Variants in CSMD1 observed in about 807,000 individuals in gnomAD.
The protein encoded by CSMD1 is CUB and Sushi multiple domains 1.
In CSMD1, 213 loss-of-function variants were observed where a neutral mutation model predicts 417.5. The observed-to-expected ratio is 0.51, with a 90% CI of 0.46 to 0.57. CSMD1 has a LOEUF of 0.57. Ranked by LOEUF, CSMD1 falls within the 20% of genes least tolerant of loss-of-function variation. The pLI is 0.00. For missense variants in CSMD1, 6,923 were observed against 4,529.7 expected (o/e 1.53, Z -15.17); for synonymous variants, 2,862 against 1,736.8 (o/e 1.65, Z -16.11).
intron 2 of CSMD1, among the ~76,000 whole-genome samples, chr8:4,496,360 C>T (rs1313267527): frequency 6.6e-6 from 1 of 152,118 alleles, no homozygotes; most frequent in African/African-American, 2.4e-5. Flanking sequence ...TGATCAGCAG[C>T]GCAGGAGTCC....
intron 17 of CSMD1, among the ~76,000 whole-genome samples, chr8:3,390,120 C>T (rs1053894041): frequency 1.1e-4 from 17 of 151,942 alleles, no homozygotes; most frequent in Middle Eastern, 3.4e-3. Context: ...TTTGGGAGGC[C>T]GAGGTGGGTG....
At chr8:4,552,519 G>A (rs191244200) in intron 2 of CSMD1, among the ~76,000 whole-genome samples, 18 of 152,202 alleles carry the variant, frequency 1.2e-4, no homozygotes, top group Admixed American at 1.1e-3. Flanking sequence ...GAACTCTGGA[G>A]AAGATTAATG....
At chr8:3,771,468 C>A (rs981385369) in intron 5 of CSMD1, among the ~76,000 whole-genome samples, 1 of 152,142 alleles carries the variant, frequency 6.6e-6, no homozygotes, top group East Asian at 1.9e-4. Flanking sequence ...GGGGGGCAAG[C>A]AGGGCCAGGC....
chr8:4,051,826 C>G (rs1468425993), intron 3 of CSMD1, among the ~76,000 whole-genome samples: 1 of 150,454 alleles, frequency 6.6e-6, no homozygotes, highest in East Asian at 2.0e-4. Context: ...TCTTCTCTTT[C>G]TTCTCTTTCT....
intron 56 of CSMD1, 31 bp downstream of exon 56, chr8:2,974,420 A>C (rs747347374): frequency 6.7e-7 from 1 of 1,490,064 alleles, no homozygotes; most frequent in Non-Finnish European, 9.0e-7. Flanking sequence ...TGAAATCTGT[A>C]ATTCTGTCAG....
intron 7 of CSMD1, among the ~76,000 whole-genome samples, chr8:3,617,070 C>G (rs79506441): frequency 6.6e-6 from 1 of 151,986 alleles, no homozygotes; most frequent in Non-Finnish European, 1.5e-5. Context: ...CTCATTTGGT[C>G]CTTATGATTA....
At chr8:4,669,871 T>G (rs772907225) in intron 1 of CSMD1, among the ~76,000 whole-genome samples, 2 of 152,144 alleles carry the variant, frequency 1.3e-5, no homozygotes, top group Non-Finnish European at 2.9e-5. Context: ...TCCTCAGGTT[T>G]CTGGGCTTCT....
intron 50 of CSMD1, among the ~76,000 whole-genome samples, chr8:3,037,398 T>C (rs34749955): frequency 0.23 from 32,952 of 143,970 alleles, 4,407 homozygotes; most frequent in Non-Finnish European, 0.28. Flanking sequence ...TTAGTAGAGA[T>C]GGGGTTTCAC....
chr8:3,383,704 C>G lies in CSMD1; in HGVS notation c.2782+3790G>C, dbSNP rs10111858. Among the ~76,000 whole-genome samples the G allele has an allele frequency of 9.2e-3, 1,385 of 150,356 alleles. 20 individuals carry two copies. The highest frequency in any genetic ancestry group is 0.032 in the African/African-American group (1,316 of 41,052). On this transcript the variant is annotated intron_variant, in intron 18 of 69. Transcript: ENST00000635120. Reference sequence around the variant, plus strand: ...CTGTATCTAAATATTTACACAACACCTATAATTCAGTAAGATAAACGCATG... The same window carrying G: ...CTGTATCTAAATATTTACACAACACGTATAATTCAGTAAGATAAACGCATG...
chr8:3,820,119 G>A (rs1001702319), intron 5 of CSMD1, among the ~76,000 whole-genome samples: 1 of 152,170 alleles, frequency 6.6e-6, no homozygotes, highest in Admixed American at 6.5e-5. Flanking sequence ...CTGCTTGAAT[G>A]CAGTATGATC....
intron 3 of CSMD1, among the ~76,000 whole-genome samples, chr8:4,378,759 G>T (rs957851281): frequency 2.0e-5 from 3 of 152,254 alleles, no homozygotes; most frequent in Admixed American, 1.3e-4. Context: ...GGTTATGAGA[G>T]CTCTGCTCTC....
intron 6 of CSMD1, among the ~76,000 whole-genome samples, chr8:3,742,574 C>T (rs981728294): frequency 2.0e-5 from 3 of 152,070 alleles, no homozygotes; most frequent in African/African-American, 7.2e-5. Flanking sequence ...TGACGCATTG[C>T]CTCTGCCCCG....
intron 3 of CSMD1, among the ~76,000 whole-genome samples, chr8:4,047,644 G>T (rs778503649): frequency 1.3e-5 from 2 of 152,042 alleles, no homozygotes; most frequent in African/African-American, 4.8e-5. Flanking sequence ...ATCGCCCTCA[G>T]TGAGTATATT....
chr8:4,860,467 A>T (rs914863163), intron 1 of CSMD1, among the ~76,000 whole-genome samples: 2 of 151,770 alleles, frequency 1.3e-5, no homozygotes, highest in African/African-American at 2.4e-5. Context: ...TGCTCTCGCC[A>T]TGTAATTTGC....
At chr8:4,164,890 AAT>A (rs1554477052) in intron 3 of CSMD1, among the ~76,000 whole-genome samples, 2 of 150,332 alleles carry the variant, frequency 1.3e-5, no homozygotes, top group African/African-American at 2.4e-5. Context: ...GAAAAAAAAA[AAT>A]ATATATATAT....
rs1796318678 is a variant in CSMD1 at position 3,190,057 on chromosome 8, C to G, written c.5253G>C (p.Arg1751Ser). 2 of 1,595,522 alleles carry G rather than the reference C, an allele frequency of 1.3e-6. No individual in the cohort carries two copies. Among genetic ancestry groups the G allele is most frequent in the Non-Finnish European group, 1.7e-6 (2 of 1,171,276 alleles). The change falls in exon 34 of 70, where the codon AGG (arginine) becomes AGC (serine). Residue 1751 changes from arginine to serine, a missense_variant. Transcript: ENST00000635120. ...CGGCAGAAAACTCAGAACCAATTCT[C>G]CTTCCGTATCTGGGCTCGGGGACAG... The part of the protein sequence containing the change: ...CSSVPEPRYG[R>S]RIGSEFSAGS...
Position 4,290,377 on chromosome 8 carries a change from A to T in CSMD1, c.415+129576T>A, listed in dbSNP as rs1215343773. 2.0e-5 allele frequency among the ~76,000 whole-genome samples: 3 copies of T among 152,232 alleles called. No individual in the cohort carries two copies. In the Middle Eastern group the frequency reaches 9.5e-3, roughly 482 times the overall value. ...CATCTGAATGGAGGGAGAGAAGCCCAAAGACGTAGGAAGTGGTAAACACAG... is the reference window on the plus strand; with the variant it reads ...CATCTGAATGGAGGGAGAGAAGCCCTAAGACGTAGGAAGTGGTAAACACAG... On this transcript the variant is annotated intron_variant, in intron 3 of 69. Transcript: ENST00000635120.
intron 25 of CSMD1, among the ~76,000 whole-genome samples, chr8:3,296,369 G>C (rs773324223): frequency 1.6e-4 from 24 of 152,138 alleles, no homozygotes; most frequent in Non-Finnish European, 3.1e-4. Context: ...AGGGGGACTG[G>C]GAAGGAAGAG....
At chr8:3,601,782 TG>T (rs1371745040) in intron 8 of CSMD1, among the ~76,000 whole-genome samples, 4 of 152,236 alleles carry the variant, frequency 2.6e-5, no homozygotes, top group African/African-American at 9.6e-5. Flanking sequence ...TGCTCCCTAA[TG>T]TTTCCAATTC....
Sources: gnomAD v4.1 joint callset for allele counts (sites outside exome capture counted in the v4.1 genomes callset) on GRCh38, gnomAD v4.1.1 for gene constraint, MANE v1.5 for transcripts, NCBI Gene and HGNC (gene_info 2026-07-23, HGNC 2026-07-21) for gene names.